Variants in PRRC2C observed in about 807,000 individuals in gnomAD.
PRRC2C encodes the protein proline rich coiled-coil 2C.
Under a neutral mutation model 317.2 loss-of-function variants are expected in PRRC2C, and 72 were observed. That is an observed-to-expected ratio of 0.23 (90% CI 0.19 to 0.28). The LOEUF is 0.28. Among genes scored for constraint, PRRC2C ranks in the 10% least tolerant of loss-of-function variants. The pLI, the probability that PRRC2C is intolerant of heterozygous loss-of-function variation, is 1.00. For synonymous variants in PRRC2C, 1,296 were observed against 1,205.9 expected (o/e 1.07, Z -1.55); for missense variants, 3,074 against 3,459.7 (o/e 0.89, Z 2.80).
In PRRC2C at chr1:171,577,536, G is replaced by A; in HGVS notation, c.7058G>A (p.Ser2353Asn). 1.2e-6 allele frequency: 2 copies of A among 1,613,378 alleles called. No individual in the cohort carries two copies. Among genetic ancestry groups the A allele is most frequent in the Non-Finnish European group, 1.7e-6 (2 of 1,179,438 alleles). The change falls in exon 26 of 35, where the codon AGC becomes AAC. Residue 2353 changes from serine to asparagine, a missense_variant. Physicochemically the swap from Ser to Asn is conservative, Grantham distance 46 (BLOSUM62 1). Transcript: ENST00000647382. ...AAACCTCAGCAGTTACAGACAAGCA[G>A]CCTGCCTTCTGCAAGTCATTTTTCA... ...KVKPQQLQTS[S>N]LPSASHFSQL...
chr1:171,573,406 C>T (rs146328979), intron 24 of PRRC2C, among the ~76,000 whole-genome samples: 6 of 152,150 alleles, frequency 3.9e-5, no homozygotes, highest in African/African-American at 1.2e-4. Flanking sequence ...GTCAACTTGC[C>T]GTAAACCACA....
chr1:171,492,759 T>TTTATTTATTTATTTAA (rs1455206223), intron 1 of PRRC2C, among the ~76,000 whole-genome samples: 2 of 151,002 alleles, frequency 1.3e-5, no homozygotes, highest in African/African-American at 4.9e-5. Context: ...TATTTATTTA[T>TTTATTTATTTATTTAA]TTATTTATTT....
chr1:171,512,560 C>T (rs529824611), intron 2 of PRRC2C: 35 of 268,932 alleles, frequency 1.3e-4, no homozygotes, highest in South Asian at 1.2e-3. Flanking sequence ...TCTTATGTTT[C>T]GTGTGTGGGG....
Position 171,521,300 on chromosome 1 carries a change from A to G in PRRC2C, c.751-877A>G. Among the ~76,000 whole-genome samples the G allele has an allele frequency of 1.3e-5, 2 of 152,212 alleles. 1 individual carries two copies. Among genetic ancestry groups the G allele is most frequent in the Non-Finnish European group, 2.9e-5 (2 of 68,030 alleles). ...TTGACTTGGATATAAGCATATAGTCAATGACCAAGACATTCTTTGACCCTT... is the reference window on the plus strand; with the variant it reads ...TTGACTTGGATATAAGCATATAGTCGATGACCAAGACATTCTTTGACCCTT... On this transcript the variant is annotated intron_variant, in intron 6 of 34. Coordinates refer to ENST00000647382, the MANE Select transcript of PRRC2C (RefSeq NM_001387844.1).
In PRRC2C at chr1:171,579,974, T is replaced by G. The variant is rs1483111060; in HGVS notation, c.7409+10T>G. ...CACTTCAACCATATAGGTAAATGCT[T>G]TAAAAGTTATGTTTGTAATGATGTT... On this transcript the variant is annotated intron_variant, in intron 28 of 34. Coordinates refer to ENST00000647382, the MANE Select transcript of PRRC2C (RefSeq NM_001387844.1). 17 of 1,500,218 alleles carry G rather than the reference T, an allele frequency of 1.1e-5. No homozygotes were observed. The highest frequency in any genetic ancestry group is 1.5e-5 in the Non-Finnish European group (17 of 1,125,476). The allele number at this position is 1,500,218 out of a possible 1,614,324, so 92.9% of individuals were successfully genotyped here.
intron 19 of PRRC2C, among the ~76,000 whole-genome samples, chr1:171,558,970 G>A (rs998943835): frequency 6.6e-6 from 1 of 152,184 alleles, no homozygotes. Flanking sequence ...TAGTGGTCTG[G>A]ATAGCAGGTC....
intron 34 of PRRC2C, among the ~76,000 whole-genome samples, chr1:171,590,525 C>T (rs1332021613): frequency 2.0e-5 from 3 of 152,134 alleles, no homozygotes; most frequent in Non-Finnish European, 4.4e-5. Context: ...CATAGTAATG[C>T]TTTACTCTGA....
At chr1:171,550,346 C>G (rs1679949906) in intron 18 of PRRC2C, 106 bp downstream of exon 18, 7 of 1,027,116 alleles carry the variant, frequency 6.8e-6, no homozygotes, top group Non-Finnish European at 9.3e-6. Context: ...TTTCATTATT[C>G]AAGTGTTAAA....
At chr1:171,570,583 A>G (rs1234335751) in intron 23 of PRRC2C, among the ~76,000 whole-genome samples, 1 of 152,224 alleles carries the variant, frequency 6.6e-6, no homozygotes, top group Non-Finnish European at 1.5e-5. Flanking sequence ...TGAACGAACC[A>G]TCCAAAACGT....
chr1:171,503,246 G>A (rs61814399), intron 1 of PRRC2C, among the ~76,000 whole-genome samples: 3,078 of 152,116 alleles, frequency 0.02, 45 homozygotes, highest in Non-Finnish European at 0.029. Context: ...TTTGTAGGCC[G>A]GGTGTGGTGG....
intron 18 of PRRC2C, among the ~76,000 whole-genome samples, chr1:171,551,124 C>T (rs957757851): frequency 6.6e-6 from 1 of 152,182 alleles, no homozygotes; most frequent in Admixed American, 6.5e-5. Context: ...TCCTCTCCAG[C>T]ACCTGTTGTT....
intron 17 of PRRC2C, among the ~76,000 whole-genome samples, chr1:171,549,535 G>C (rs1181378644): frequency 6.6e-6 from 1 of 151,880 alleles, no homozygotes; most frequent in Non-Finnish European, 1.5e-5. Flanking sequence ...TTAAGGAAAA[G>C]AAAAAAGACC....
intron 11 of PRRC2C, among the ~76,000 whole-genome samples, chr1:171,531,494 C>A (rs1675868086): frequency 6.6e-6 from 1 of 152,154 alleles, no homozygotes; most frequent in Admixed American, 6.5e-5. Context: ...AAAAGATAGT[C>A]AAGTGTTTTC....
Position 171,493,381 on chromosome 1 carries a change from T to C in PRRC2C, c.-58+7646T>C, listed in dbSNP as rs371797149. Among the ~76,000 whole-genome samples, 8 of 152,296 alleles carry C rather than the reference T, an allele frequency of 5.3e-5. 1 individual carries two copies. In the East Asian group the frequency reaches 1.2e-3, roughly 22 times the overall value. On this transcript the variant is annotated intron_variant, in intron 1 of 34. Coordinates refer to ENST00000647382, the MANE Select transcript of PRRC2C (RefSeq NM_001387844.1). ...TGGATGGGGTGGCATGTACTTGTAGTCCTAGCTCCTCAGAAGGGTGAGGTA... is the reference window on the plus strand; with the variant it reads ...TGGATGGGGTGGCATGTACTTGTAGCCCTAGCTCCTCAGAAGGGTGAGGTA...
chr1:171,526,845 G>T (rs531379520), intron 10 of PRRC2C, among the ~76,000 whole-genome samples: 2 of 85,514 alleles, frequency 2.3e-5, no homozygotes, highest in Non-Finnish European at 4.2e-5. Flanking sequence ...GTCTTGATCT[G>T]TCTCCCAGGC....
Position 171,539,976 on chromosome 1 carries a change from A to G in PRRC2C, c.2510A>G (p.Glu837Gly). ...TTGAATTCTTATCATCATAGGTCTG[A>G]AGCTGCGTTGGACCAGGAACAGATT... ...ATEEPEDVRS[E>G]AALDQEQITA... The change falls in exon 16 of 35, where the codon GAA (glutamate) becomes GGA (glycine). Residue 837 changes from glutamate to glycine, a missense_variant. Glu to Gly is a moderately conservative substitution (Grantham distance 98). Transcript: ENST00000647382. 1 of 1,606,360 alleles carries G rather than the reference A, an allele frequency of 6.2e-7. No homozygotes were observed. The highest frequency in any genetic ancestry group is 8.5e-7 in the Non-Finnish European group (1 of 1,176,710).
chr1:171,587,137 G>A lies in PRRC2C; in HGVS notation c.7884G>A (p.Leu2628=), dbSNP rs1650229358. ...CTCCCCAAGCACAGGCTCAGAGTCT[G>A]AGTCGTCCTGCACAAGTAAGCCAGC... ...HTTPQAQAQS[L]SRPAQVSQPF... The change falls in exon 31 of 35, where the codon CTG becomes CTA. Residue 2628 remains leucine (L), a synonymous_variant. Transcript: ENST00000647382. 2 of 1,610,954 alleles carry A rather than the reference G, an allele frequency of 1.2e-6. No individual in the cohort carries two copies. The highest frequency in any genetic ancestry group is 1.7e-6 in the Non-Finnish European group (2 of 1,178,640).
rs369542859 is a variant in PRRC2C at position 171,511,074 on chromosome 1, C to A, written c.-57-958C>A. ...ATAGGCTTTACTTTGATGCTTTTTG[C>A]TTGGTATACCTATTCTATACTATCT... On this transcript the variant is annotated intron_variant, in intron 1 of 34. Coordinates refer to ENST00000647382, the MANE Select transcript of PRRC2C (RefSeq NM_001387844.1). 15 of 152,168 alleles carry A rather than the reference C, an allele frequency of 9.9e-5. No individual in the cohort carries two copies. In the East Asian group the frequency reaches 2.5e-3, roughly 25 times the overall value. The allele number at this position is 152,168 out of a possible 1,614,324, so 9.4% of individuals were successfully genotyped here.
intron 20 of PRRC2C, among the ~76,000 whole-genome samples, chr1:171,563,044 G>C (rs1214816900): frequency 6.6e-6 from 1 of 152,158 alleles, no homozygotes; most frequent in Non-Finnish European, 1.5e-5. Flanking sequence ...AGTAATATAG[G>C]TGTTCAATTG....
Sources: allele counts gnomAD v4.1 joint callset (sites outside exome capture counted in the v4.1 genomes callset), GRCh38; gene constraint gnomAD v4.1.1; transcripts MANE v1.5; gene names NCBI Gene and HGNC (gene_info 2026-07-23, HGNC 2026-07-21).